Variants in LIMS1 observed in about 807,000 individuals in gnomAD.
The protein encoded by LIMS1 is LIM zinc finger domain containing 1.
Under a neutral mutation model 44.1 loss-of-function variants are expected in LIMS1, and 18 were observed. The ratio of observed to expected loss-of-function variants is 0.41; its 90% confidence interval spans 0.28 to 0.61. The LOEUF is 0.61. LIMS1 is among the 20% of genes least tolerant of loss of function. LIMS1 has a pLI of 0.32. For synonymous variants in LIMS1, 93 were observed against 149.1 expected (o/e 0.62, Z 2.74); for missense variants, 201 against 422.0 (o/e 0.48, Z 4.59).
intron 1 of LIMS1, among the ~76,000 whole-genome samples, chr2:108,535,854 C>G (rs973372834): frequency 2.6e-5 from 4 of 152,150 alleles, no homozygotes; most frequent in African/African-American, 9.7e-5. Context: ...GTCAGTTGTT[C>G]TTTCCCGTAA....
At chr2:108,670,226 T>C (rs1692073701) in intron 2 of LIMS1, among the ~76,000 whole-genome samples, 1 of 152,308 alleles carries the variant, frequency 6.6e-6, no homozygotes, top group South Asian at 2.1e-4. Flanking sequence ...GGCTAACGCC[T>C]GTGGTCCCAG....
intron 1 of LIMS1, among the ~76,000 whole-genome samples, chr2:108,551,068 A>G (rs969483307): frequency 6.6e-6 from 1 of 151,998 alleles, no homozygotes; most frequent in Non-Finnish European, 1.5e-5. Flanking sequence ...AGTTGGGTGC[A>G]GTGAGCTGTG....
intron 1 of LIMS1, among the ~76,000 whole-genome samples, chr2:108,640,177 C>G (rs948047342): frequency 2.6e-5 from 4 of 152,140 alleles, no homozygotes; most frequent in Non-Finnish European, 4.4e-5. Context: ...CTGAGGCACT[C>G]AGGGAGTGTC....
chr2:108,570,085 G>C (rs1310446189), intron 1 of LIMS1, among the ~76,000 whole-genome samples: 3 of 152,138 alleles, frequency 2.0e-5, no homozygotes, highest in Non-Finnish European at 2.9e-5. Context: ...GACAGATATA[G>C]AGGAGTTTAT....
Position 108,664,779 on chromosome 2 carries a change from A to G in LIMS1, c.192+5015A>G, listed in dbSNP as rs1388850799. On this transcript the variant is annotated intron_variant, in intron 2 of 9. Coordinates refer to ENST00000544547, the Ensembl canonical transcript of LIMS1. ...CAGAAGTTCTCCACCTGGAATTAAC[A>G]ATAGTTGTGACACTGGAGAAGCATA... Among the ~76,000 whole-genome samples, 3 of 152,250 alleles carry G rather than the reference A, an allele frequency of 2.0e-5. No individual in the cohort carries two copies. In the East Asian group the frequency reaches 5.8e-4, roughly 29 times the overall value.
At chr2:108,646,181 A>C (rs2148932193) in intron 1 of LIMS1, among the ~76,000 whole-genome samples, 1 of 152,122 alleles carries the variant, frequency 6.6e-6, no homozygotes, top group East Asian at 1.9e-4. Flanking sequence ...CAGAATATAC[A>C]CTCTTCTCAG....
At chr2:108,540,614 AATTT>A (rs1467066443) in intron 1 of LIMS1, among the ~76,000 whole-genome samples, 3 of 152,200 alleles carry the variant, frequency 2.0e-5, no homozygotes, top group Non-Finnish European at 2.9e-5. Context: ...GATCTAAGAA[AATTT>A]ATTTAACATT....
intron 1 of LIMS1, among the ~76,000 whole-genome samples, chr2:108,577,876 A>G (rs914258569): frequency 4.6e-5 from 7 of 152,090 alleles, no homozygotes; most frequent in Non-Finnish European, 7.4e-5. Flanking sequence ...TGACTGTTAA[A>G]TGCTATTCTG....
exon 6 of LIMS1, chr2:108,675,882 G>A: frequency 1.2e-6 from 2 of 1,613,908 alleles, no homozygotes. Flanking sequence ...GGACAGGAAG[G>A]AGCTGACTGC....
chr2:108,540,370 T>C (rs1304045398), intron 1 of LIMS1, among the ~76,000 whole-genome samples: 1 of 152,068 alleles, frequency 6.6e-6, no homozygotes, highest in Non-Finnish European at 1.5e-5. Context: ...GGCTAATTTT[T>C]TGTATTTTTA....
At chr2:108,610,097 C>T (rs930922542) in intron 1 of LIMS1, among the ~76,000 whole-genome samples, 1 of 151,020 alleles carries the variant, frequency 6.6e-6, no homozygotes, top group Admixed American at 6.6e-5. Context: ...GAGCCCAGAT[C>T]GTGCCACTGC....
chr2:108,621,605 A>G (rs1030829511), intron 1 of LIMS1: 4 of 663,948 alleles, frequency 6.0e-6, no homozygotes, highest in Non-Finnish European at 1.1e-5. Context: ...TGAACACAAT[A>G]TCAAGATTGT....
chr2:108,601,352 G>A (rs780232219), intron 1 of LIMS1, among the ~76,000 whole-genome samples: 6 of 152,198 alleles, frequency 3.9e-5, no homozygotes, highest in East Asian at 1.9e-4. Context: ...CGTGCACAGC[G>A]AGGGAAGGTC....
chr2:108,600,890 G>GTTCTT (rs1284875238), intron 1 of LIMS1, among the ~76,000 whole-genome samples: 6,515 of 87,358 alleles, frequency 0.075, 365 homozygotes, highest in African/African-American at 0.19. Flanking sequence ...AGAATTGTTC[G>GTTCTT]TTCTTCTCTT....
chr2:108,635,553 TAGTC>T (rs930211262), intron 1 of LIMS1, among the ~76,000 whole-genome samples: 9 of 151,442 alleles, frequency 5.9e-5, no homozygotes, highest in African/African-American at 1.7e-4. Context: ...ATACAAAAAT[TAGTC>T]AGGCGTGGTG....
intron 1 of LIMS1, chr2:108,607,192 C>T: frequency 6.4e-7 from 1 of 1,550,484 alleles, no homozygotes; most frequent in Non-Finnish European, 8.7e-7. Context: ...CATCTATGAG[C>T]ATGGAGAGCT....
rs941572532 is a variant in LIMS1, at chr2:108,629,105, G to C, written c.33-30500G>C. Among the ~76,000 whole-genome samples, 6 of 152,296 alleles carry C rather than the reference G, an allele frequency of 3.9e-5. 1 individual carries two copies. The highest frequency in any genetic ancestry group is 6.5e-5 in the Admixed American group (1 of 15,288). On this transcript the variant is annotated intron_variant, in intron 1 of 9. Transcript: ENST00000544547. ...TATAGCTGTTTAAAGGAAGACTGTT[G>C]TGTGGTATTGGGAGGAAATGGTACA...
chr2:108,537,636 G>A (rs1390240230), intron 1 of LIMS1, among the ~76,000 whole-genome samples: 3 of 152,334 alleles, frequency 2.0e-5, no homozygotes, highest in East Asian at 1.9e-4. Flanking sequence ...GGAAAGTTTG[G>A]TGGTACAAAA....
In LIMS1 at chr2:108,642,347, T is replaced by TG. The variant is rs1431572688; in HGVS notation, c.33-17258_33-17257insG. On this transcript the variant is annotated intron_variant, in intron 1 of 9. Transcript: ENST00000544547. Reference sequence around the variant, plus strand: ...TTAAGCTACTAGTGTTTTTTGTTTTTTTTTTTTTTTGTTTTTTGTTTTTTT... The same window carrying TG: ...TTAAGCTACTAGTGTTTTTTGTTTTTGTTTTTTTTTTGTTTTTTGTTTTTTT... Among the ~76,000 whole-genome samples, 17 of 10,642 alleles carry TG rather than the reference T, an allele frequency of 1.6e-3. 3 individuals carry two copies. Among genetic ancestry groups the TG allele is most frequent in the African/African-American group, 3.5e-3 (17 of 4,860 alleles). 7.0% of individuals were successfully genotyped at this position (10,642 alleles called of 152,430 possible).
Sources: allele counts gnomAD v4.1 joint callset (sites outside exome capture counted in the v4.1 genomes callset), GRCh38; gene constraint gnomAD v4.1.1; transcripts MANE v1.5; gene names NCBI Gene and HGNC (gene_info 2026-07-23, HGNC 2026-07-21).